Variants in SLC9A4 observed in about 807,000 individuals in gnomAD.
SLC9A4 encodes the protein solute carrier family 9 member A4.
A neutral mutation model predicts 67.4 loss-of-function variants in SLC9A4; 63 were observed. The ratio of observed to expected loss-of-function variants is 0.93; its 90% CI spans 0.76 to 1.15. The LOEUF (loss-of-function observed/expected upper bound fraction) is 1.15. Among genes scored for constraint, SLC9A4 ranks in the 50% most tolerant of loss-of-function variants. The pLI is 0.00. For missense variants in SLC9A4, 1,089 were observed against 987.7 expected (o/e 1.10, Z -1.38); for synonymous variants, 393 against 367.2 (o/e 1.07, Z -0.80).
chr2:102,488,270 A>ACC (rs1684628478), intron 2 of SLC9A4, among the ~76,000 whole-genome samples: 1 of 151,574 alleles, frequency 6.6e-6, no homozygotes, highest in Non-Finnish European at 1.5e-5. Flanking sequence ...CACGTGAAAA[A>ACC]CCCCATGAGT....
At chr2:102,531,123 C>T (rs1440278215) in intron 11 of SLC9A4, among the ~76,000 whole-genome samples, 6 of 133,560 alleles carry the variant, frequency 4.5e-5, no homozygotes, top group African/African-American at 1.7e-4. Flanking sequence ...AGTGCAGTGG[C>T]GTGATCTCGG....
intron 11 of SLC9A4, among the ~76,000 whole-genome samples, chr2:102,527,716 T>A (rs1461793140): frequency 4.6e-5 from 7 of 152,242 alleles, no homozygotes; most frequent in Admixed American, 1.3e-4. Context: ...GTAAGAATGA[T>A]CTTTTCCTAA....
intron 8 of SLC9A4, among the ~76,000 whole-genome samples, chr2:102,518,201 G>A (rs1685316137): frequency 1.3e-5 from 2 of 152,178 alleles, no homozygotes; most frequent in Admixed American, 1.3e-4. Flanking sequence ...CCCCAAAGTG[G>A]TCAGTTATAA....
intron 2 of SLC9A4, 131 bp downstream of exon 2, chr2:102,479,433 G>A (rs1234665509): frequency 4.4e-5 from 41 of 937,440 alleles, no homozygotes; most frequent in Non-Finnish European, 5.5e-5. Flanking sequence ...CAGCCCATGC[G>A]GTGTGGTCCG....
At chr2:102,511,604 T>C (rs1685163730) in intron 6 of SLC9A4, among the ~76,000 whole-genome samples, 2 of 152,036 alleles carry the variant, frequency 1.3e-5, no homozygotes, top group South Asian at 4.1e-4. Context: ...AAGATTGCAC[T>C]TTTTCCTAAA....
At chr2:102,517,928 T>A (rs1015795689) in intron 8 of SLC9A4, among the ~76,000 whole-genome samples, 1 of 152,304 alleles carries the variant, frequency 6.6e-6, no homozygotes, top group Non-Finnish European at 1.5e-5. Flanking sequence ...ATAGAAATGA[T>A]CACTCATTCA....
At chr2:102,489,785 G>C (rs1684660116) in intron 2 of SLC9A4, among the ~76,000 whole-genome samples, 1 of 152,126 alleles carries the variant, frequency 6.6e-6, no homozygotes, top group Non-Finnish European at 1.5e-5. Flanking sequence ...TAGGAGTGAG[G>C]TGAAAGAGCT....
Position 102,525,169 on chromosome 2 carries a change from G to A in SLC9A4, c.1950+14G>A. The A allele has an allele frequency of 6.2e-7, 1 of 1,613,684 alleles. No homozygotes were observed. The highest frequency in any genetic ancestry group is 1.3e-5 in the African/African-American group (1 of 75,024). ...TGGGGAAAGCCGGTACATTGGGGCT[G>A]GGGACTGGGACATTCCTTCAGTGTG... On this transcript the variant is annotated intron_variant, in intron 10 of 11. Transcript: ENST00000295269.
At chr2:102,483,841 T>TATATACAC (rs370126753) in intron 2 of SLC9A4, among the ~76,000 whole-genome samples, 77 of 126,710 alleles carry the variant, frequency 6.1e-4, no homozygotes, top group African/African-American at 1.8e-3. Context: ...TATATATATA[T>TATATACAC]ACACACACAC....
chr2:102,475,942 T>C (rs1222477637), intron 1 of SLC9A4, among the ~76,000 whole-genome samples: 1 of 152,208 alleles, frequency 6.6e-6, no homozygotes. Flanking sequence ...AAATTAATAA[T>C]CATTATTATG....
chr2:102,474,937 A>G (rs1199437188), intron 1 of SLC9A4, among the ~76,000 whole-genome samples: 2 of 152,110 alleles, frequency 1.3e-5, no homozygotes, highest in Non-Finnish European at 1.5e-5. Flanking sequence ...TGGGTGTGTA[A>G]TGTGGGTTGA....
At position 102,527,737 on chromosome 2, in the gene SLC9A4, A is replaced by T. The variant is rs552564888; in HGVS notation, c.2038+1391A>T. Among the ~76,000 whole-genome samples the T allele has an allele frequency of 3.2e-4, 48 of 152,334 alleles. 1 individual carries two copies. The South Asian group carries it at 9.7e-3, about 31-fold the overall frequency. On this transcript the variant is annotated intron_variant, in intron 11 of 11. Transcript: ENST00000295269. ...ATGATCTTTTCCTAATACCACTGGG[A>T]TGTTGTCAAACTTTTGAGTAATCTG...
chr2:102,503,849 T>C (rs1300934868), intron 3 of SLC9A4, 142 bp downstream of exon 3: 6 of 1,187,970 alleles, frequency 5.1e-6, no homozygotes, highest in Non-Finnish European at 6.9e-6. Flanking sequence ...TCTAAACTTT[T>C]ATGAAACCTG....
chr2:102,517,308 T>TA (rs1228392962), intron 8 of SLC9A4, among the ~76,000 whole-genome samples: 1 of 152,154 alleles, frequency 6.6e-6, no homozygotes, highest in Non-Finnish European at 1.5e-5. Context: ...CTTAGCTGCT[T>TA]AAAAAAAGAT....
Position 102,509,354 on chromosome 2 carries a change from A to C in SLC9A4, c.1488+421A>C, listed in dbSNP as rs565417325. ...TGAAGGAGCTTTATGATCCCACTGC[A>C]GCCACGTGGATAGTTCAGGAGACTG... On this transcript the variant is annotated intron_variant, in intron 6 of 11. Coordinates refer to ENST00000295269, the MANE Select transcript of SLC9A4 (RefSeq NM_001011552.4). 2.0e-4 allele frequency among the ~76,000 whole-genome samples: 31 copies of C among 152,324 alleles called. No homozygotes were observed. The South Asian group carries it at 6.0e-3, about 29-fold the overall frequency.
At chr2:102,499,439 C>T (rs1684877475) in intron 2 of SLC9A4, among the ~76,000 whole-genome samples, 1 of 152,132 alleles carries the variant, frequency 6.6e-6, no homozygotes, top group South Asian at 2.1e-4. Flanking sequence ...TATTCTTAAC[C>T]AAATTCAGTT....
chr2:102,512,095 C>A, intron 6 of SLC9A4, 108 bp from the exon 7 acceptor site: 1 of 1,113,054 alleles, frequency 9.0e-7, no homozygotes, highest in Non-Finnish European at 1.3e-6. Flanking sequence ...GTCAGATAGG[C>A]TCCAGAAAAT....
intron 2 of SLC9A4, among the ~76,000 whole-genome samples, chr2:102,482,186 C>A (rs1684479475): frequency 6.6e-6 from 1 of 152,192 alleles, no homozygotes; most frequent in African/African-American, 2.4e-5. Context: ...GATTTCATTT[C>A]TCAGAGTCTG....
chr2:102,495,266 A>G, intron 2 of SLC9A4, among the ~76,000 whole-genome samples: 1 of 152,132 alleles, frequency 6.6e-6, no homozygotes, highest in Admixed American at 6.5e-5. Flanking sequence ...TATCTTTTAA[A>G]TAACATTAAA....
Sources: allele counts gnomAD v4.1 joint callset (sites outside exome capture counted in the v4.1 genomes callset), GRCh38; gene constraint gnomAD v4.1.1; transcripts MANE v1.5; gene names NCBI Gene and HGNC (gene_info 2026-07-23, HGNC 2026-07-21).